OR9Q1: variants seen among roughly 807,000 people sequenced by gnomAD.
OR9Q1 encodes the protein olfactory receptor 9Q1.
For synonymous variants in OR9Q1, 153 were observed against 148.6 expected, an observed-to-expected ratio of 1.03 and a Z score of -0.22; for missense variants, 374 against 378.8, an observed-to-expected ratio of 0.99 and a Z score of 0.11.
At chr11:58,077,931 C>G (rs984198663) in intron 2 of OR9Q1, 2 of 151,896 alleles carry the variant, frequency 1.3e-5, no homozygotes, top group Non-Finnish European at 2.9e-5. Context: ...CTGAGGTGGG[C>G]AGATCATTTG....
chr11:58,171,734 T>C (rs1854557134), intron 2 of OR9Q1: 1 of 152,186 alleles, frequency 6.6e-6, no homozygotes, highest in African/African-American at 2.4e-5. Context: ...ATTACCTTCA[T>C]AGCTCTGCAA....
At chr11:58,067,361 C>T (rs1159604471) in intron 2 of OR9Q1, among the ~76,000 whole-genome samples, 1 of 152,192 alleles carries the variant, frequency 6.6e-6, no homozygotes, top group Non-Finnish European at 1.5e-5. Flanking sequence ...ATTCTATTCC[C>T]AAATCTGCTG....
chr11:58,143,095 T>G (rs889546126), intron 2 of OR9Q1, among the ~76,000 whole-genome samples: 5 of 152,196 alleles, frequency 3.3e-5, no homozygotes, highest in Non-Finnish European at 5.9e-5. Context: ...GAGTTGATGT[T>G]GGAACTCCAG....
chr11:58,137,523 T>C (rs1222853757), intron 2 of OR9Q1, among the ~76,000 whole-genome samples: 1 of 152,166 alleles, frequency 6.6e-6, no homozygotes, highest in Non-Finnish European at 1.5e-5. Context: ...TAACTTATAT[T>C]ACTTTCCTCC....
intron 2 of OR9Q1, chr11:58,075,549 T>C (rs1853531639): frequency 6.6e-6 from 1 of 152,198 alleles, no homozygotes; most frequent in Non-Finnish European, 1.5e-5. Flanking sequence ...ATGAATGGAA[T>C]TAGTTCCTTT....
In OR9Q1 at chr11:58,064,335, C is replaced by T. The variant is rs1236836198; in HGVS notation, c.-15+8388C>T. Among the ~76,000 whole-genome samples the T allele has an allele frequency of 4.6e-5, 7 of 152,182 alleles. No homozygotes were observed. In the East Asian group the frequency reaches 1.2e-3, roughly 25 times the overall value. On this transcript the variant is annotated intron_variant, in intron 2 of 2. Coordinates refer to ENST00000335397, the MANE Select transcript of OR9Q1 (RefSeq NM_001005212.4). ...TTTGTAGAAAGGGAGAATCCCAGGC[C>T]CAGGGAAGTAACCTTTTTGAGGTCA...
intron 1 of OR9Q1, among the ~76,000 whole-genome samples, chr11:58,035,065 A>G (rs1255387905): frequency 6.6e-6 from 1 of 151,932 alleles, no homozygotes; most frequent in Non-Finnish European, 1.5e-5. Flanking sequence ...CCTGGGCTCA[A>G]GCGATCTGCC....
intron 1 of OR9Q1, among the ~76,000 whole-genome samples, chr11:58,025,671 TC>T (rs1316854088): frequency 1.3e-5 from 2 of 152,206 alleles, no homozygotes; most frequent in African/African-American, 4.8e-5. Context: ...AGATATTCAT[TC>T]CGTTGGGTTA....
At chr11:58,076,139 T>C (rs1401049011) in intron 2 of OR9Q1, among the ~76,000 whole-genome samples, 1 of 152,218 alleles carries the variant, frequency 6.6e-6, no homozygotes, top group Non-Finnish European at 1.5e-5. Flanking sequence ...GGAGAAAACT[T>C]TTTGGCCTCT....
chr11:58,033,553 T>G (rs1853064739), intron 1 of OR9Q1, among the ~76,000 whole-genome samples: 1 of 152,140 alleles, frequency 6.6e-6, no homozygotes, highest in Non-Finnish European at 1.5e-5. Context: ...AGCTAAATCT[T>G]GGGTACACAT....
intron 1 of OR9Q1, among the ~76,000 whole-genome samples, chr11:58,037,011 G>A (rs1392038436): frequency 6.6e-6 from 1 of 152,196 alleles, no homozygotes; most frequent in Non-Finnish European, 1.5e-5. Context: ...TTAGCATCAT[G>A]TGTTACAGAG....
chr11:58,053,665 T>C (rs1384081650), intron 1 of OR9Q1, among the ~76,000 whole-genome samples: 1 of 146,026 alleles, frequency 6.8e-6, no homozygotes, highest in Non-Finnish European at 1.5e-5. Flanking sequence ...ATATAAAATA[T>C]ATATATAAAA....
intron 1 of OR9Q1, chr11:58,045,390 C>G (rs984759630): frequency 6.6e-6 from 1 of 152,046 alleles, no homozygotes; most frequent in Non-Finnish European, 1.5e-5. Context: ...GTGCCACTAC[C>G]GCCGGGCCAA....
At chr11:58,031,021 T>G (rs766332383) in intron 1 of OR9Q1, 1 of 1,614,190 alleles carries the variant, frequency 6.2e-7, no homozygotes, top group South Asian at 1.1e-5. Flanking sequence ...CTGGCATCCA[T>G]GAAGCACACC....
chr11:58,140,751 G>C (rs1337784308), intron 2 of OR9Q1, among the ~76,000 whole-genome samples: 1 of 152,186 alleles, frequency 6.6e-6, no homozygotes, highest in Non-Finnish European at 1.5e-5. Context: ...TTTGGCTTAG[G>C]ATTGACTTGG....
rs372731029 is a variant in OR9Q1 at position 58,042,058 on chromosome 11, G to A, written c.-92-13812G>A. Among the ~76,000 whole-genome samples, 18 of 152,294 alleles carry A rather than the reference G, an allele frequency of 1.2e-4. No individual in the cohort carries two copies. The South Asian group carries it at 3.7e-3, about 32-fold the overall frequency. On this transcript the variant is annotated intron_variant, in intron 1 of 2. Transcript: ENST00000335397. Reference sequence around the variant, plus strand: ...TCAGGCATCAGCCAATTTAGTTTAAGGAATGTTTATGGAGTGCTTAGTATG... The same window carrying A: ...TCAGGCATCAGCCAATTTAGTTTAAAGAATGTTTATGGAGTGCTTAGTATG...
intron 2 of OR9Q1, among the ~76,000 whole-genome samples, chr11:58,176,611 T>TCTGG (rs1854609261): frequency 6.6e-6 from 1 of 152,134 alleles, no homozygotes; most frequent in Admixed American, 6.5e-5. Context: ...ACACAAAGAA[T>TCTGG]AAAACGGTGT....
chr11:58,105,406 G>T (rs1036654840), intron 2 of OR9Q1, among the ~76,000 whole-genome samples: 3 of 152,050 alleles, frequency 2.0e-5, no homozygotes, highest in Non-Finnish European at 4.4e-5. Context: ...TTGGTCATAT[G>T]CTTACATATA....
chr11:58,089,484 AG>A (rs1234843688), intron 2 of OR9Q1, among the ~76,000 whole-genome samples: 1 of 151,740 alleles, frequency 6.6e-6, no homozygotes, highest in Non-Finnish European at 1.5e-5. Context: ...GTTAATTCTA[AG>A]GTCTCTGTTC....
Sources: gnomAD v4.1 joint callset for allele counts (sites outside exome capture counted in the v4.1 genomes callset) on GRCh38, gnomAD v4.1.1 for gene constraint, MANE v1.5 for transcripts, NCBI Gene and HGNC (gene_info 2026-07-23, HGNC 2026-07-21) for gene names.